SMAD9: variants seen among roughly 807,000 people sequenced by gnomAD.
SMAD9 encodes MAD homolog 9.
A neutral mutation model predicts 46.1 loss-of-function variants in SMAD9; 36 were observed. That is an observed-to-expected ratio of 0.78 (90% CI 0.60 to 1.03). SMAD9 has a LOEUF of 1.03. SMAD9 is among the 50% of genes least tolerant of loss of function. The pLI is 0.00. For synonymous variants in SMAD9, 245 were observed against 237.1 expected, an observed-to-expected ratio of 1.03 and a Z score of -0.31; for missense variants, 572 against 599.8, an observed-to-expected ratio of 0.95 and a Z score of 0.48.
intron 1 of SMAD9, among the ~76,000 whole-genome samples, chr13:36,882,639 T>C (rs2138518450): frequency 6.6e-6 from 1 of 152,250 alleles, no homozygotes; most frequent in East Asian, 1.9e-4. Flanking sequence ...AACTTAGAAC[T>C]TCAAGAGTGA....
At chr13:36,876,455 C>T (rs560898502) in intron 2 of SMAD9, among the ~76,000 whole-genome samples, 2 of 152,158 alleles carry the variant, frequency 1.3e-5, no homozygotes, top group African/African-American at 2.4e-5. Context: ...GGGTACGAGT[C>T]TGTGAAGAAA....
At chr13:36,919,107 C>G (rs2058720649) in intron 1 of SMAD9, among the ~76,000 whole-genome samples, 2 of 152,218 alleles carry the variant, frequency 1.3e-5, no homozygotes. Context: ...TCTCCAAACT[C>G]GATTTGTATC....
chr13:36,865,436 G>A, intron 5 of SMAD9, 101 bp downstream of exon 5: 2 of 940,838 alleles, frequency 2.1e-6, no homozygotes, highest in Non-Finnish European at 3.5e-6. Flanking sequence ...CCTTCCACAG[G>A]GGCACATGAC....
chr13:36,873,822 C>T (rs1338162605), intron 2 of SMAD9, among the ~76,000 whole-genome samples: 1 of 152,156 alleles, frequency 6.6e-6, no homozygotes, highest in Non-Finnish European at 1.5e-5. Flanking sequence ...GAGATCATAC[C>T]ATTGCACTCC....
rs1420083627 is a variant in SMAD9 at position 36,846,157 on chromosome 13, A to T, written c.*2519T>A. Reference sequence around the variant, plus strand: ...TTGTTTTTAATGTCATTTATGAGCCACCAGTTTAGATTAATTCTGTAAAGG... The same window carrying T: ...TTGTTTTTAATGTCATTTATGAGCCTCCAGTTTAGATTAATTCTGTAAAGG... On this transcript the variant is annotated 3_prime_UTR_variant, in exon 7 of 7. Coordinates refer to ENST00000379826, the MANE Select transcript of SMAD9 (RefSeq NM_001127217.3). 6.8e-6 allele frequency: 1 copy of T among 148,074 alleles called. No individual in the cohort carries two copies. Among genetic ancestry groups the T allele is most frequent in the Non-Finnish European group, 1.5e-5 (1 of 65,808 alleles). The allele number at this position is 148,074 out of a possible 1,614,324, so 9.2% of individuals were successfully genotyped here.
intron 5 of SMAD9, among the ~76,000 whole-genome samples, chr13:36,857,522 T>C (rs951312703): frequency 6.6e-6 from 1 of 152,180 alleles, no homozygotes; most frequent in Non-Finnish European, 1.5e-5. Flanking sequence ...TCCTGTGTTG[T>C]GGTTAATGAG....
At chr13:36,884,794 T>C (rs2058431413) in intron 1 of SMAD9, among the ~76,000 whole-genome samples, 1 of 152,330 alleles carries the variant, frequency 6.6e-6, no homozygotes, top group Middle Eastern at 3.4e-3. Flanking sequence ...AAAACACCGT[T>C]TGAGATGGAG....
chr13:36,918,957 T>C (rs2058719346), intron 1 of SMAD9, among the ~76,000 whole-genome samples: 1 of 152,156 alleles, frequency 6.6e-6, no homozygotes, highest in Non-Finnish European at 1.5e-5. Flanking sequence ...CTAACCTACA[T>C]TTCCAAAAGA....
At chr13:36,893,421 TATATATAA>T (rs2058504133) in intron 1 of SMAD9, among the ~76,000 whole-genome samples, 1 of 145,196 alleles carries the variant, frequency 6.9e-6, no homozygotes, top group African/African-American at 2.6e-5. Context: ...TTCACAGATA[TATATATAA>T]ATATAAATAT....
In SMAD9 at chr13:36,853,455, C is replaced by A; in HGVS notation, c.1224G>T (p.Leu408=). 1 of 1,614,102 alleles carries A rather than the reference C, an allele frequency of 6.2e-7. No individual in the cohort carries two copies. Among genetic ancestry groups the A allele is most frequent in the Non-Finnish European group, 8.5e-7 (1 of 1,180,026 alleles). ...VHHGFEVVYE[L]TKMCTIRMSF... ...TCATCCGGATAGTACACATCTTGGT[C>A]AGTTCATACACGACTTCAAAGCCGT... The change falls in exon 6 of 7, where the codon CTG becomes CTT. Residue 408 remains leucine (L), a synonymous_variant. Coordinates refer to ENST00000379826, the MANE Select transcript of SMAD9 (RefSeq NM_001127217.3).
chr13:36,917,976 G>A (rs1236045496), intron 1 of SMAD9, among the ~76,000 whole-genome samples: 1 of 133,656 alleles, frequency 7.5e-6, no homozygotes, highest in African/African-American at 2.5e-5. Context: ...CCCTCCAACT[G>A]ACCACATGAT....
intron 1 of SMAD9, among the ~76,000 whole-genome samples, chr13:36,893,889 A>T (rs1183571667): frequency 6.6e-6 from 1 of 152,114 alleles, no homozygotes; most frequent in African/African-American, 2.4e-5. Context: ...ATGTTGTATT[A>T]TTATAATATT....
At chr13:36,852,531 G>C (rs1387561698) in intron 6 of SMAD9, 2 of 984,194 alleles carry the variant, frequency 2.0e-6, no homozygotes, top group African/African-American at 1.7e-5. Flanking sequence ...AATAAGATTC[G>C]ATATGAGAAA....
chr13:36,888,973 C>T (rs1019394387), intron 1 of SMAD9, among the ~76,000 whole-genome samples: 2 of 152,124 alleles, frequency 1.3e-5, no homozygotes, highest in African/African-American at 4.8e-5. Context: ...GAAGACATTT[C>T]AGTTTGCATT....
At chr13:36,863,582 T>C (rs2058204306) in intron 5 of SMAD9, among the ~76,000 whole-genome samples, 1 of 152,174 alleles carries the variant, frequency 6.6e-6, no homozygotes, top group Non-Finnish European at 1.5e-5. Flanking sequence ...TGGGGCTTGG[T>C]GGGAGGTATC....
At chr13:36,912,848 C>T (rs1278355733) in intron 1 of SMAD9, among the ~76,000 whole-genome samples, 1 of 152,138 alleles carries the variant, frequency 6.6e-6, no homozygotes, top group East Asian at 1.9e-4. Context: ...TAAAAATTCA[C>T]ACACAGAAAA....
At chr13:36,860,006 G>C (rs2058165089) in intron 5 of SMAD9, among the ~76,000 whole-genome samples, 1 of 151,904 alleles carries the variant, frequency 6.6e-6, no homozygotes, top group Admixed American at 6.6e-5. Flanking sequence ...CATAAAAATA[G>C]GCAACCAGTA....
At chr13:36,872,572 A>G in intron 3 of SMAD9, 86 bp downstream of exon 3, 2 of 1,438,010 alleles carry the variant, frequency 1.4e-6, no homozygotes, top group Non-Finnish European at 2.0e-6. Flanking sequence ...GACAGTTACA[A>G]TGACTGTCAT....
At chr13:36,894,815 G>A (rs1423617915) in intron 1 of SMAD9, among the ~76,000 whole-genome samples, 2 of 152,118 alleles carry the variant, frequency 1.3e-5, no homozygotes, top group East Asian at 1.9e-4. Flanking sequence ...TAGCCCCCAA[G>A]TGACATCTCA....
Sources: allele counts gnomAD v4.1 joint callset (sites outside exome capture counted in the v4.1 genomes callset), GRCh38; gene constraint gnomAD v4.1.1; transcripts MANE v1.5; gene names NCBI Gene and HGNC (gene_info 2026-07-23, HGNC 2026-07-21).